KIT: variants seen among roughly 807,000 people sequenced by gnomAD.
KIT encodes the protein mast/stem cell growth factor receptor Kit.
Under a neutral mutation model 105.7 loss-of-function variants are expected in KIT, and 16 were observed. The ratio of observed to expected loss-of-function variants is 0.15; its 90% confidence interval spans 0.10 to 0.23. The LOEUF (loss-of-function observed/expected upper bound fraction) is 0.23. Ranked by LOEUF, KIT falls within the 10% of genes least tolerant of loss-of-function variation. KIT has a pLI of 1.00. For synonymous variants in KIT, 438 were observed against 441.1 expected (o/e 0.99, Z 0.09); for missense variants, 858 against 1,213.8 (o/e 0.71, Z 4.36).
chr4:54,738,284 G>A, intron 20 of KIT, 145 bp from the exon 21 acceptor site: 1 of 909,186 alleles, frequency 1.1e-6, no homozygotes. Flanking sequence ...AGTATGACTT[G>A]GGTTTTGGCC....
chr4:54,727,038 T>C (rs911518029), intron 9 of KIT, among the ~76,000 whole-genome samples, 180 bp from the exon 10 acceptor site: 1 of 152,210 alleles, frequency 6.6e-6, no homozygotes, highest in Non-Finnish European at 1.5e-5. Flanking sequence ...GTTATATTTT[T>C]AAAGATTCAT....
chr4:54,687,589 T>C (rs1719406872), intron 1 of KIT, among the ~76,000 whole-genome samples: 1 of 152,114 alleles, frequency 6.6e-6, no homozygotes, highest in African/African-American at 2.4e-5. Flanking sequence ...CCCCTGCACT[T>C]AGCAGGTGGT....
chr4:54,725,914 G>A lies in KIT; in HGVS notation c.1404G>A (p.Pro468=), dbSNP rs767079772. The A allele has an allele frequency of 1.9e-5, 31 of 1,614,122 alleles. No homozygotes were observed. The highest frequency in any genetic ancestry group is 8.9e-5 in the East Asian group (4 of 44,878). Residue 468 remains proline (P), a synonymous_variant, in exon 9 of 21, where the codon CCG becomes CCA. Coordinates refer to ENST00000288135, the MANE Select transcript of KIT (RefSeq NM_000222.3). ...AGACACTAAACTCATCTGGGCCACC[G>A]TTTGGAAAGCTAGTGGTTCAGAGTT... is the stretch of plus-strand genomic sequence containing the variant. ...DVQTLNSSGP[P]FGKLVVQSSI...
chr4:54,702,266 T>G (rs918132259), intron 4 of KIT, among the ~76,000 whole-genome samples: 2 of 152,162 alleles, frequency 1.3e-5, no homozygotes, highest in Non-Finnish European at 2.9e-5. Flanking sequence ...AGTAGGTACA[T>G]TACAAAAAAT....
At chr4:54,673,957 G>C (rs527593629) in intron 1 of KIT, among the ~76,000 whole-genome samples, 1 of 152,212 alleles carries the variant, frequency 6.6e-6, no homozygotes, top group Admixed American at 6.5e-5. Context: ...TTTTAGTAGA[G>C]ACAGGGTTTC....
chr4:54,704,804 C>A (rs1421493249), intron 5 of KIT, among the ~76,000 whole-genome samples: 4 of 152,018 alleles, frequency 2.6e-5, no homozygotes, highest in Admixed American at 2.0e-4. Context: ...TGATCAAGAA[C>A]AATAATAAAG....
At chr4:54,668,511 CA>C (rs2109559252) in intron 1 of KIT, among the ~76,000 whole-genome samples, 1 of 152,218 alleles carries the variant, frequency 6.6e-6, no homozygotes, top group African/African-American at 2.4e-5. Context: ...CCGGGACTCC[CA>C]GTAATTTAAA....
chr4:54,733,118 C>T lies in KIT; in HGVS notation c.2410C>T (p.Arg804Trp), dbSNP rs145602440. 12 of 1,610,962 alleles carry T rather than the reference C, an allele frequency of 7.4e-6. No homozygotes were observed. The highest frequency in any genetic ancestry group is 2.2e-5 in the East Asian group (1 of 44,814). Reference sequence around the variant, plus strand: ...CAGAAATATCCTCCTTACTCATGGTCGGATCACAAAGATTTGTGATTTTGG... The same window carrying T: ...CAGAAATATCCTCCTTACTCATGGTTGGATCACAAAGATTTGTGATTTTGG... ...AARNILLTHG[R>W]ITKICDFGLA... Residue 804 changes from arginine (R) to tryptophan (W), a missense_variant, in exon 17 of 21, where the codon CGG becomes TGG. Transcript: ENST00000288135.
In KIT at chr4:54,739,271, A is replaced by C. The variant is rs1245615818; in HGVS notation, c.*714A>C. 1.2e-5 allele frequency: 3 copies of C among 245,440 alleles called. No individual in the cohort carries two copies. Among genetic ancestry groups the C allele is most frequent in the Non-Finnish European group, 2.4e-5 (3 of 126,548 alleles). 15.2% of individuals were successfully genotyped at this position (245,440 alleles called of 1,614,324 possible). On this transcript the variant is annotated 3_prime_UTR_variant, in exon 21 of 21. Transcript: ENST00000288135. ...GTCCGTGTTCATACATTTGAGGGGA[A>C]AACACCATAAGGTTTCGTTTCTGTA...
At chr4:54,702,064 G>A (rs1720489544) in intron 4 of KIT, among the ~76,000 whole-genome samples, 1 of 152,134 alleles carries the variant, frequency 6.6e-6, no homozygotes, top group African/African-American at 2.4e-5. Flanking sequence ...TTAGTTAACA[G>A]CAAAGCAGGT....
intron 19 of KIT, among the ~76,000 whole-genome samples, 156 bp from the exon 20 acceptor site, chr4:54,737,019 A>G (rs1366858162): frequency 3.3e-5 from 5 of 152,218 alleles, no homozygotes; most frequent in Admixed American, 2.6e-4. Flanking sequence ...AGTTTCAGTA[A>G]TATTTCATAC....
intron 17 of KIT, 53 bp from the exon 18 acceptor site, chr4:54,736,445 T>C: frequency 7.6e-7 from 1 of 1,307,626 alleles, no homozygotes; most frequent in Non-Finnish European, 1.1e-6. Flanking sequence ...TTCTGTTCAA[T>C]TTTGTTGAGC....
At chr4:54,729,549 CA>C (rs1722459991) in intron 14 of KIT, 64 bp downstream of exon 14, 2 of 1,513,410 alleles carry the variant, frequency 1.3e-6, no homozygotes, top group African/African-American at 2.7e-5. Flanking sequence ...TAAGGGTTTG[CA>C]ATCAAGGCTG....
At chr4:54,680,549 G>A (rs189166423) in intron 1 of KIT, among the ~76,000 whole-genome samples, 155 of 151,758 alleles carry the variant, frequency 1.0e-3, no homozygotes, top group Non-Finnish European at 1.5e-3. Context: ...CCGCCACCAC[G>A]CCCGGCTAAT....
chr4:54,686,727 T>C (rs1442501486), intron 1 of KIT, among the ~76,000 whole-genome samples: 1 of 152,140 alleles, frequency 6.6e-6, no homozygotes, highest in Non-Finnish European at 1.5e-5. Context: ...GTATTTTTTG[T>C]AGAAATGTGG....
chr4:54,725,393 C>T (rs1722151142), intron 8 of KIT, among the ~76,000 whole-genome samples: 1 of 152,194 alleles, frequency 6.6e-6, no homozygotes, highest in Admixed American at 6.5e-5. Flanking sequence ...GTGTGAGCTA[C>T]TGCGCCCGGC....
intron 7 of KIT, among the ~76,000 whole-genome samples, chr4:54,720,509 C>A (rs1305802807): frequency 2.6e-5 from 4 of 152,202 alleles, no homozygotes; most frequent in African/African-American, 9.7e-5. Context: ...TAATTTTGAG[C>A]TGTTCCAATT....
At position 54,698,360 on chromosome 4, in the gene KIT, C is replaced by A. The variant is rs2109672512; in HGVS notation, c.414C>A (p.Leu138=). 2 of 1,614,162 alleles carry A rather than the reference C, an allele frequency of 1.2e-6. No individual in the cohort carries two copies. Among genetic ancestry groups the A allele is most frequent in the Non-Finnish European group, 1.7e-6 (2 of 1,180,010 alleles). Residue 138 remains leucine (L), a synonymous_variant, in exon 3 of 21, where the codon CTC becomes CTA. Coordinates refer to ENST00000288135, the MANE Select transcript of KIT (RefSeq NM_000222.3). The part of the protein sequence containing the change: ...EDNDTLVRCP[L]TDPEVTNYSL... ...ACGACACGCTGGTCCGCTGTCCTCT[C>A]ACAGACCCAGAAGTGACCAATTATT...
chr4:54,702,773 T>C (rs1373536116), intron 4 of KIT, among the ~76,000 whole-genome samples: 1 of 152,156 alleles, frequency 6.6e-6, no homozygotes, highest in African/African-American at 2.4e-5. Flanking sequence ...GTAAGCTCCT[T>C]TCCAGAAGGA....
Sources: allele counts gnomAD v4.1 joint callset (sites outside exome capture counted in the v4.1 genomes callset), GRCh38; gene constraint gnomAD v4.1.1; transcripts MANE v1.5; gene names NCBI Gene and HGNC (gene_info 2026-07-23, HGNC 2026-07-21).